CASP9: variants seen among roughly 807,000 people sequenced by gnomAD.
CASP9 encodes the protein caspase 9, also known as caspase-9.
CASP9 carries 29 observed loss-of-function variants against 43.5 expected under a neutral mutation model. The ratio of observed to expected loss-of-function variants is 0.67; its 90% confidence interval spans 0.50 to 0.91. CASP9 has a LOEUF of 0.91. Ranked by LOEUF, CASP9 falls within the 40% of genes least tolerant of loss-of-function variation. CASP9 has a pLI of 0.00. For missense variants in CASP9, 575 were observed against 537.4 expected, an observed-to-expected ratio of 1.07 and a Z score of -0.69; for synonymous variants, 206 against 211.9, an observed-to-expected ratio of 0.97 and a Z score of 0.24.
At chr1:15,521,303 C>G (rs1710189758) in intron 1 of CASP9, among the ~76,000 whole-genome samples, 2 of 151,558 alleles carry the variant, frequency 1.3e-5, no homozygotes, top group African/African-American at 4.8e-5. Context: ...AGTCTCCTTT[C>G]CTTGGAGGCG....
chr1:15,512,605 G>C (rs1439308957), intron 2 of CASP9, among the ~76,000 whole-genome samples: 1 of 151,964 alleles, frequency 6.6e-6, no homozygotes, highest in Non-Finnish European at 1.5e-5. Context: ...GCAGATCTTG[G>C]AACTTCTCAG....
intron 2 of CASP9, among the ~76,000 whole-genome samples, chr1:15,516,070 C>A (rs868472711): frequency 2.6e-5 from 4 of 151,956 alleles, no homozygotes; most frequent in African/African-American, 7.3e-5. Context: ...GGCATGGTGG[C>A]GGCTGCCTGT....
intron 7 of CASP9, among the ~76,000 whole-genome samples, chr1:15,495,006 C>T (rs1709050235): frequency 1.3e-5 from 2 of 151,994 alleles, no homozygotes; most frequent in Non-Finnish European, 2.9e-5. Context: ...TATTCCCCTG[C>T]TAAAGATGCG....
At position 15,518,101 on chromosome 1, in the gene CASP9, G is replaced by A. The variant is rs373945606; in HGVS notation, c.418+9C>T. The A allele has an allele frequency of 1.2e-6, 2 of 1,613,076 alleles. No individual in the cohort carries two copies. Among genetic ancestry groups the A allele is most frequent in the African/African-American group, 2.7e-5 (2 of 74,890 alleles). On this transcript the variant is annotated intron_variant, in intron 2 of 8. Transcript: ENST00000333868. The stretch of plus-strand genomic sequence containing the variant: ...ATGCCCACCCACCAATCACTCTCTT[G>A]CTACTTACCGACATCACCAAATCCT...
intron 1 of CASP9, among the ~76,000 whole-genome samples, chr1:15,521,265 A>C (rs1045951615): frequency 1.5e-5 from 2 of 131,580 alleles, no homozygotes; most frequent in African/African-American, 2.8e-5. Context: ...GTGGGACACC[A>C]CCTCAAAAAA....
chr1:15,493,986 C>A lies in CASP9; in HGVS notation c.1064G>T (p.Arg355Met). 6.3e-7 allele frequency: 1 copy of A among 1,594,636 alleles called. No homozygotes were observed. The highest frequency in any genetic ancestry group is 8.5e-7 in the Non-Finnish European group (1 of 1,170,276). The change falls in exon 8 of 9, where the codon AGG becomes ATG. Residue 355 changes from arginine (R) to methionine (M), a missense_variant. By Grantham distance (91) the Arg-to-Met change is moderately conservative (BLOSUM62 -1). Coordinates refer to ENST00000333868, the MANE Select transcript of CASP9 (RefSeq NM_001229.5). Reference protein sequence around the residue: ...YSTFPGFVSWRDPKSGSWYVE... With the variant: ...YSTFPGFVSWMDPKSGSWYVE... ...GTACCAGGAGCCACTCTTGGGGTCCCTCCAGGAAACAAAACCTTTGGAGGG... is the reference window on the plus strand; with the variant it reads ...GTACCAGGAGCCACTCTTGGGGTCCATCCAGGAAACAAAACCTTTGGAGGG...
intron 1 of CASP9, among the ~76,000 whole-genome samples, chr1:15,522,280 C>G (rs1464918947): frequency 6.6e-6 from 1 of 152,226 alleles, no homozygotes; most frequent in East Asian, 1.9e-4. Flanking sequence ...GGTTCCAAAA[C>G]CTGCCTGTTT....
intron 4 of CASP9, 146 bp from the exon 5 acceptor site, chr1:15,506,225 G>A (rs1709514936): frequency 1.6e-6 from 1 of 608,960 alleles, no homozygotes; most frequent in East Asian, 2.9e-5. Flanking sequence ...AAGGCAGGTG[G>A]ATCATTTGAG....
At chr1:15,500,318 G>A (rs1229377256) in intron 6 of CASP9, among the ~76,000 whole-genome samples, 1 of 151,984 alleles carries the variant, frequency 6.6e-6, no homozygotes, top group East Asian at 1.9e-4. Context: ...AGCAAGTGCT[G>A]TGGCCGCAAC....
rs1347636628 is a variant in CASP9, at chr1:15,495,436, C to T, written c.885G>A (p.Gly295=). ...CAGGGGAAGTGGAGGCCACCTCAAA[C>T]CCATGGTCTTTCTGCTCTGCAGGAA... ...QACGGEQKDH[G]FEVASTSPED... Residue 295 remains glycine (G), a synonymous_variant, in exon 7 of 9, where the codon GGG becomes GGA. Transcript: ENST00000333868. The T allele has an allele frequency of 6.3e-7, 1 of 1,596,866 alleles. No individual in the cohort carries two copies. Among genetic ancestry groups the T allele is most frequent in the Non-Finnish European group, 8.5e-7 (1 of 1,172,098 alleles).
intron 5 of CASP9, among the ~76,000 whole-genome samples, chr1:15,505,135 C>A (rs1230757266): frequency 6.6e-6 from 1 of 152,160 alleles, no homozygotes; most frequent in African/African-American, 2.4e-5. Context: ...GTCCTCCAGG[C>A]CCCTCTGACT....
chr1:15,507,761 G>T, intron 3 of CASP9, 112 bp downstream of exon 3: 1 of 1,013,320 alleles, frequency 9.9e-7, no homozygotes, highest in Non-Finnish European at 1.6e-6. Flanking sequence ...CCACTGCACT[G>T]CCTAGGGTTG....
intron 1 of CASP9, among the ~76,000 whole-genome samples, chr1:15,523,572 C>T (rs559897434): frequency 3.3e-5 from 5 of 152,118 alleles, no homozygotes; most frequent in South Asian, 4.1e-4. Context: ...AAACTGCAAA[C>T]ATAAGCAAAA....
intron 3 of CASP9, 65 bp from the exon 4 acceptor site, chr1:15,507,140 A>G: frequency 6.3e-7 from 1 of 1,597,814 alleles, no homozygotes; most frequent in Middle Eastern, 1.7e-4. Context: ...CAGTCTGGAG[A>G]GGCGGGAAGA....
chr1:15,494,887 G>A (rs201928825), intron 7 of CASP9, among the ~76,000 whole-genome samples: 39 of 111,964 alleles, frequency 3.5e-4, no homozygotes, highest in African/African-American at 9.1e-4. Flanking sequence ...AAAAAAAAAA[G>A]AAGGAAGGAA....
In CASP9 at chr1:15,504,731, C is replaced by T. The variant is rs1416484962; in HGVS notation, c.748G>A (p.Val250Ile). Reference protein sequence around the residue: ...QASHLQFPGAVYGTDGCPVSV... With the variant: ...QASHLQFPGAIYGTDGCPVSV... Reference sequence around the variant, plus strand: ...ACAGGGCATCCATCTGTGCCGTAGACAGCCCCTGGGAACTGCAGGTGGCTG... The same window carrying T: ...ACAGGGCATCCATCTGTGCCGTAGATAGCCCCTGGGAACTGCAGGTGGCTG... Residue 250 changes from valine to isoleucine, a missense_variant, in exon 6 of 9, where the codon GTC becomes ATC. Transcript: ENST00000333868. 7.4e-6 allele frequency: 12 copies of T among 1,614,066 alleles called. No homozygotes were observed. The highest frequency in any genetic ancestry group is 1.7e-5 in the Admixed American group (1 of 59,996).
At chr1:15,498,481 T>C (rs2103333255) in intron 6 of CASP9, among the ~76,000 whole-genome samples, 1 of 150,734 alleles carries the variant, frequency 6.6e-6, no homozygotes, top group East Asian at 2.0e-4. Context: ...GTTAAGATAG[T>C]AAATTTTATG....
chr1:15,516,927 C>T (rs1439403377), intron 2 of CASP9, among the ~76,000 whole-genome samples: 1 of 152,202 alleles, frequency 6.6e-6, no homozygotes, highest in Non-Finnish European at 1.5e-5. Flanking sequence ...AAGTCATCTC[C>T]CAATCTGTGG....
chr1:15,496,280 A>C (rs1709102136), intron 6 of CASP9, among the ~76,000 whole-genome samples: 1 of 152,234 alleles, frequency 6.6e-6, no homozygotes, highest in Non-Finnish European at 1.5e-5. Flanking sequence ...ACATAGTAAA[A>C]GCCATATATG....
Sources: allele counts gnomAD v4.1 joint callset (sites outside exome capture counted in the v4.1 genomes callset), GRCh38; gene constraint gnomAD v4.1.1; transcripts MANE v1.5; gene names NCBI Gene and HGNC (gene_info 2026-07-23, HGNC 2026-07-21).